Variants in KIF18A observed in about 807,000 individuals in gnomAD.
KIF18A encodes kinesin-like protein KIF18A.
In KIF18A, 67 loss-of-function variants were observed where a neutral mutation model predicts 103.3. That is an observed-to-expected ratio of 0.65 (90% CI 0.53 to 0.79). KIF18A has a LOEUF of 0.79. KIF18A is among the 30% of genes least tolerant of loss of function. KIF18A has a pLI of 0.00. For missense variants in KIF18A, 1,032 were observed against 1,062.5 expected, an observed-to-expected ratio of 0.97 and a Z score of 0.40; for synonymous variants, 367 against 355.5, an observed-to-expected ratio of 1.03 and a Z score of -0.36.
intron 16 of KIF18A, among the ~76,000 whole-genome samples, chr11:28,021,535 C>T (rs183108010): frequency 5.6e-4 from 86 of 152,278 alleles, no homozygotes; most frequent in Admixed American, 3.8e-3. Flanking sequence ...CGGGTGAAGT[C>T]GCTGAATTAA....
At chr11:28,062,956 T>C (rs1325869849) in intron 11 of KIF18A, among the ~76,000 whole-genome samples, 1 of 152,116 alleles carries the variant, frequency 6.6e-6, no homozygotes, top group Non-Finnish European at 1.5e-5. Flanking sequence ...CATTTATTTA[T>C]AATTTCTCTG....
At chr11:28,073,617 G>A (rs1458329162) in intron 10 of KIF18A, among the ~76,000 whole-genome samples, 1 of 152,076 alleles carries the variant, frequency 6.6e-6, no homozygotes, top group Admixed American at 6.6e-5. Flanking sequence ...CTATCTCATA[G>A]GCTTGTTATA....
In KIF18A at chr11:28,091,186, G is replaced by A. The variant is rs551706055; in HGVS notation, c.588+223C>T. On this transcript the variant is annotated intron_variant, in intron 4 of 16. Coordinates refer to ENST00000263181, the MANE Select transcript of KIF18A (RefSeq NM_031217.4). ...CATACATACATACATACATACATAC[G>A]TAGATTAAAATTTAAAAATAAAATT... 5.4e-4 allele frequency among the ~76,000 whole-genome samples: 76 copies of A among 140,784 alleles called. No homozygotes were observed. In the East Asian group the frequency reaches 0.015, roughly 27 times the overall value. The allele number at this position is 140,784 out of a possible 152,430, so 92.4% of individuals were successfully genotyped here.
At chr11:28,055,545 C>T (rs1038427344) in intron 13 of KIF18A, among the ~76,000 whole-genome samples, 3 of 152,106 alleles carry the variant, frequency 2.0e-5, no homozygotes, top group Non-Finnish European at 4.4e-5. Context: ...CTTTGTAAAT[C>T]TTCCTTGCTT....
At chr11:28,046,163 G>T (rs1368001644) in intron 13 of KIF18A, among the ~76,000 whole-genome samples, 1 of 151,858 alleles carries the variant, frequency 6.6e-6, no homozygotes, top group East Asian at 1.9e-4. Context: ...AGAACTAGAA[G>T]TACCATTTGA....
intron 13 of KIF18A, among the ~76,000 whole-genome samples, chr11:28,054,514 T>G (rs1302427429): frequency 6.6e-6 from 1 of 152,230 alleles, no homozygotes; most frequent in Non-Finnish European, 1.5e-5. Flanking sequence ...CTGGCCCAGA[T>G]TCTTAAAAGC....
chr11:28,039,609 A>G (rs1386418834), intron 13 of KIF18A, among the ~76,000 whole-genome samples: 3 of 151,760 alleles, frequency 2.0e-5, no homozygotes. Context: ...GTCTTCTGGT[A>G]GAACACTGAA....
At chr11:28,062,611 TTC>T in intron 11 of KIF18A, 95 bp from the exon 12 acceptor site, 4 of 918,436 alleles carry the variant, frequency 4.4e-6, no homozygotes, top group Non-Finnish European at 6.0e-6. Context: ...ATAGTTTTAA[TTC>T]TTTTTAGATA....
At chr11:28,074,372 ATGAAAG>A (rs1184340219) in intron 10 of KIF18A, among the ~76,000 whole-genome samples, 2 of 152,178 alleles carry the variant, frequency 1.3e-5, no homozygotes, top group Non-Finnish European at 2.9e-5. Context: ...TTTGAAGTTC[ATGAAAG>A]TGAAAGTACA....
intron 9 of KIF18A, among the ~76,000 whole-genome samples, 176 bp downstream of exon 9, chr11:28,082,680 A>G (rs979212421): frequency 6.6e-6 from 1 of 152,086 alleles, no homozygotes; most frequent in Admixed American, 6.6e-5. Context: ...TAAATCTGCA[A>G]TATCTCTGAG....
intron 3 of KIF18A, among the ~76,000 whole-genome samples, chr11:28,092,895 C>G (rs1451703603): frequency 2.0e-5 from 3 of 152,162 alleles, no homozygotes; most frequent in Non-Finnish European, 4.4e-5. Flanking sequence ...TCCCCTTACC[C>G]ACTTCAATCA....
At chr11:28,089,229 T>C (rs909504770) in intron 5 of KIF18A, among the ~76,000 whole-genome samples, 9 of 152,204 alleles carry the variant, frequency 5.9e-5, no homozygotes, top group African/African-American at 2.2e-4. Context: ...AAAAAGATAG[T>C]ACAGTCTTGC....
At chr11:28,074,003 A>G (rs1004397659) in intron 10 of KIF18A, among the ~76,000 whole-genome samples, 1 of 152,186 alleles carries the variant, frequency 6.6e-6, no homozygotes, top group African/African-American at 2.4e-5. Flanking sequence ...GAGAAGAATT[A>G]TTACCCACTG....
chr11:28,035,565 G>A (rs1565071242), intron 14 of KIF18A, 71 bp from the exon 15 acceptor site: 10 of 823,580 alleles, frequency 1.2e-5, no homozygotes, highest in Admixed American at 6.4e-5. Flanking sequence ...GGAAGCAAAT[G>A]TGTCCATAAT....
At position 28,069,274 on chromosome 11, in the gene KIF18A, G is replaced by A. The variant is rs967468247; in HGVS notation, c.1575C>T (p.Asn525=). The A allele has an allele frequency of 1.9e-6, 3 of 1,612,650 alleles. No homozygotes were observed. Among genetic ancestry groups the A allele is most frequent in the Middle Eastern group, 1.7e-4 (1 of 6,048 alleles). Residue 525 remains asparagine, a synonymous_variant, in exon 11 of 17, where the codon AAC becomes AAT. Coordinates refer to ENST00000263181, the MANE Select transcript of KIF18A (RefSeq NM_031217.4). ...ATATTTGTACCTTTGGAATATGACCGTTTTGACTTAAGAGTCCCATTTCTT... is the reference window on the plus strand; with the variant it reads ...ATATTTGTACCTTTGGAATATGACCATTTTGACTTAAGAGTCCCATTTCTT... ...VEKEMGLLSQ[N]GHIPKELKKD...
At chr11:28,053,645 C>T (rs1850739929) in intron 13 of KIF18A, among the ~76,000 whole-genome samples, 2 of 428 alleles carry the variant, frequency 4.7e-3, no homozygotes, top group Admixed American at 0.025. Context: ...CTAATGCTAT[C>T]CCTCCCCCCT....
chr11:28,069,165 G>T, intron 11 of KIF18A, 94 bp downstream of exon 11: 9 of 934,012 alleles, frequency 9.6e-6, no homozygotes, highest in South Asian at 1.5e-5. Flanking sequence ...AATAATAGTT[G>T]TCTTATGAAA....
intron 13 of KIF18A, among the ~76,000 whole-genome samples, chr11:28,045,250 T>C (rs1307347033): frequency 6.6e-6 from 1 of 152,084 alleles, no homozygotes; most frequent in East Asian, 1.9e-4. Flanking sequence ...TTATTGGTGG[T>C]ATTGCTCTTT....
In KIF18A at chr11:28,097,749, T is replaced by G; in HGVS notation, c.199A>C (p.Lys67Gln). The G allele has an allele frequency of 6.2e-7, 1 of 1,611,278 alleles. No homozygotes were observed. Among genetic ancestry groups the G allele is most frequent in the Non-Finnish European group, 8.5e-7 (1 of 1,178,294 alleles). The change falls in exon 2 of 17, where the codon AAA becomes CAA. Residue 67 changes from lysine (K) to glutamine (Q), a missense_variant. Transcript: ENST00000263181. ...KKTTNQNVIK[K>Q]QNKDLKFVFD... ...ACAAATTTAAGATCCTTATTTTGTT[T>G]CTTTATAACATTTTGATTTGTAGTT...
Sources: gnomAD v4.1 joint callset for allele counts (sites outside exome capture counted in the v4.1 genomes callset) on GRCh38, gnomAD v4.1.1 for gene constraint, MANE v1.5 for transcripts, NCBI Gene and HGNC (gene_info 2026-07-23, HGNC 2026-07-21) for gene names.